FAM13A: variants seen among roughly 807,000 people sequenced by gnomAD.
The protein encoded by FAM13A is family with sequence similarity 13 member A.
A neutral mutation model predicts 129.6 loss-of-function variants in FAM13A; 76 were observed. That is an observed-to-expected ratio of 0.59 (90% confidence interval 0.49 to 0.71). The LOEUF (loss-of-function observed/expected upper bound fraction) is 0.71, where lower values mean the gene tolerates loss of function less well. FAM13A is among the 30% of genes least tolerant of loss of function. The pLI is 0.00. For synonymous variants in FAM13A, 443 were observed against 449.9 expected, an observed-to-expected ratio of 0.98 and a Z score of 0.20; for missense variants, 1,108 against 1,249.3, an observed-to-expected ratio of 0.89 and a Z score of 1.70.
chr4:88,757,159 G>A (rs75805450), intron 14 of FAM13A, among the ~76,000 whole-genome samples: 1,891 of 152,140 alleles, frequency 0.012, 53 homozygotes, highest in African/African-American at 0.043. Flanking sequence ...ACTATAAGCT[G>A]GCTTTCAGTC....
Position 88,732,190 on chromosome 4 carries a change from CTCT to C in FAM13A, c.2652_2654del (p.Glu886del). 2 of 1,606,206 alleles carry C rather than the reference CTCT, an allele frequency of 1.2e-6. No homozygotes were observed. The highest frequency in any genetic ancestry group is 1.7e-6 in the Non-Finnish European group (2 of 1,175,786). On this transcript the variant is annotated inframe_deletion, in exon 22 of 24. Coordinates refer to ENST00000264344, the MANE Select transcript of FAM13A (RefSeq NM_014883.4). ...CATTGCTATCGTCTTCTGACCCCTC[CTCT>C]TCTTCCTGGAGATACACAGCAACCC...
chr4:88,955,449 T>C (rs1757602673), intron 4 of FAM13A, among the ~76,000 whole-genome samples: 1 of 152,168 alleles, frequency 6.6e-6, no homozygotes, highest in Non-Finnish European at 1.5e-5. Flanking sequence ...TATGTCTTTA[T>C]TAGCAGCGTG....
chr4:89,050,040 A>C (rs577270380), intron 1 of FAM13A, among the ~76,000 whole-genome samples: 20 of 152,324 alleles, frequency 1.3e-4, no homozygotes, highest in African/African-American at 4.3e-4. Flanking sequence ...GAGAAAGACA[A>C]ATAGTACAGG....
At chr4:88,734,233 C>A (rs1738494536) in intron 21 of FAM13A, among the ~76,000 whole-genome samples, 1 of 152,112 alleles carries the variant, frequency 6.6e-6, no homozygotes, top group African/African-American at 2.4e-5. Flanking sequence ...TAAGCAGACC[C>A]TACGAAAGGA....
intron 4 of FAM13A, among the ~76,000 whole-genome samples, chr4:88,967,299 T>G (rs1759481936): frequency 6.6e-6 from 1 of 152,228 alleles, no homozygotes; most frequent in African/African-American, 2.4e-5. Flanking sequence ...GTGCACAGTA[T>G]GGTGAGAATA....
chr4:88,947,720 T>C (rs1756172344), intron 4 of FAM13A, among the ~76,000 whole-genome samples: 1 of 151,900 alleles, frequency 6.6e-6, no homozygotes, highest in African/African-American at 2.4e-5. Flanking sequence ...CTTGATTTCC[T>C]AGGACGCTTA....
intron 5 of FAM13A, among the ~76,000 whole-genome samples, chr4:88,922,518 A>C (rs1334031962): frequency 6.6e-6 from 1 of 152,154 alleles, no homozygotes; most frequent in Non-Finnish European, 1.5e-5. Flanking sequence ...ACAAAGACAC[A>C]ACATACCAGA....
At chr4:88,865,304 A>G (rs2150051826) in intron 6 of FAM13A, among the ~76,000 whole-genome samples, 1 of 152,340 alleles carries the variant, frequency 6.6e-6, no homozygotes, top group East Asian at 1.9e-4. Flanking sequence ...AGGAATTTTA[A>G]GCATAGTGTT....
chr4:89,046,910 A>T (rs955037116), intron 1 of FAM13A, among the ~76,000 whole-genome samples: 17 of 152,096 alleles, frequency 1.1e-4, no homozygotes, highest in Non-Finnish European at 1.5e-4. Context: ...ATAAAAATAA[A>T]TTTTTTTAAG....
chr4:88,759,201 G>A, intron 13 of FAM13A: 1 of 285,368 alleles, frequency 3.5e-6, no homozygotes, highest in Non-Finnish European at 6.8e-6. Flanking sequence ...GGAGTTTGGT[G>A]TTTTCTTAAA....
Position 88,732,054 on chromosome 4 carries a change from G to A in FAM13A, c.2791C>T (p.Pro931Ser), listed in dbSNP as rs140140106. Residue 931 changes from proline (P) to serine (S), a missense_variant, in exon 22 of 24, where the codon CCA becomes TCA. Transcript: ENST00000264344. ...GFISPMDDKI[P>S]SKCSQDTGLS... The stretch of plus-strand genomic sequence containing the variant: ...CCTGTGTCCTGGCTGCATTTTGATG[G>A]TATTTTATCATCCATTGGGGAAATA... The A allele has an allele frequency of 2.8e-4, 451 of 1,613,894 alleles. No homozygotes were observed. The highest frequency in any genetic ancestry group is 3.5e-4 in the Non-Finnish European group (417 of 1,179,858).
intron 1 of FAM13A, among the ~76,000 whole-genome samples, chr4:89,031,683 T>G (rs1353937019): frequency 6.6e-6 from 1 of 152,234 alleles, no homozygotes; most frequent in African/African-American, 2.4e-5. Flanking sequence ...TAATCATTCC[T>G]GTGGTAAATA....
intron 14 of FAM13A, among the ~76,000 whole-genome samples, chr4:88,757,447 G>A (rs775078408): frequency 1.3e-5 from 2 of 151,884 alleles, no homozygotes; most frequent in Non-Finnish European, 2.9e-5. Context: ...TTTGGGGGGA[G>A]GTGGGGGCAC....
intron 3 of FAM13A, among the ~76,000 whole-genome samples, chr4:88,993,513 C>G (rs1156882844): frequency 6.6e-6 from 1 of 152,122 alleles, no homozygotes; most frequent in Non-Finnish European, 1.5e-5. Context: ...GTAAAGATAC[C>G]AGGTCTAATA....
intron 1 of FAM13A, among the ~76,000 whole-genome samples, chr4:89,054,769 G>A (rs997038945): frequency 2.6e-5 from 4 of 152,206 alleles, no homozygotes; most frequent in Middle Eastern, 6.8e-3. Flanking sequence ...ATTCTTCTGA[G>A]GACAGCTCCA....
At chr4:88,973,935 C>A (rs909876834) in intron 4 of FAM13A, among the ~76,000 whole-genome samples, 4 of 152,152 alleles carry the variant, frequency 2.6e-5, no homozygotes, top group Non-Finnish European at 4.4e-5. Context: ...TGGGTATTTT[C>A]CTTCCCCCAG....
chr4:88,962,334 G>C (rs1758743290), intron 4 of FAM13A, among the ~76,000 whole-genome samples: 1 of 152,172 alleles, frequency 6.6e-6, no homozygotes, highest in Non-Finnish European at 1.5e-5. Flanking sequence ...CGAGATTTAG[G>C]AAATTCGGAA....
intron 4 of FAM13A, among the ~76,000 whole-genome samples, chr4:88,956,690 G>C (rs1380868610): frequency 6.6e-6 from 1 of 152,142 alleles, no homozygotes; most frequent in Non-Finnish European, 1.5e-5. Flanking sequence ...AAAAAAGTAG[G>C]TCTTAACAGG....
At chr4:89,004,981 GT>G (rs34858310) in intron 3 of FAM13A, among the ~76,000 whole-genome samples, 20 of 150,572 alleles carry the variant, frequency 1.3e-4, no homozygotes, top group African/African-American at 2.7e-4. Context: ...TCATGTCATG[GT>G]TTTTTTTTTG....
Sources: allele counts gnomAD v4.1 joint callset (sites outside exome capture counted in the v4.1 genomes callset), GRCh38; gene constraint gnomAD v4.1.1; transcripts MANE v1.5; gene names NCBI Gene and HGNC (gene_info 2026-07-23, HGNC 2026-07-21).